Variants in MRPL48 observed in about 807,000 individuals in gnomAD.
MRPL48 encodes mitochondrial ribosomal protein L48.
A neutral mutation model predicts 32.9 loss-of-function variants in MRPL48; 16 were observed. That is an observed-to-expected ratio of 0.49 (90% CI 0.33 to 0.74). MRPL48 has a LOEUF of 0.74. Ranked by LOEUF, MRPL48 falls within the 30% of genes least tolerant of loss-of-function variation. The probability of loss-of-function intolerance (pLI) is 0.02; values close to 1 mark genes in which losing one functional copy is unlikely to be tolerated. For missense variants in MRPL48, 206 were observed against 245.3 expected (o/e 0.84, Z 1.07); for synonymous variants, 94 against 89.2 (o/e 1.05, Z -0.31).
At chr11:73,801,144 T>G (rs1947356800) in intron 1 of MRPL48, among the ~76,000 whole-genome samples, 1 of 152,172 alleles carries the variant, frequency 6.6e-6, no homozygotes, top group Admixed American at 6.6e-5. Flanking sequence ...GGCTTTTAGA[T>G]AATTAAAACC....
rs541805978 is a variant in MRPL48, at chr11:73,862,976, T to C, written c.475-196T>C. Reference sequence around the variant, plus strand: ...TGCCCACAGGAGCAGATATTGGCAGTGAACATCTCAGCACCTTGGCAGATG... The same window carrying C: ...TGCCCACAGGAGCAGATATTGGCAGCGAACATCTCAGCACCTTGGCAGATG... On this transcript the variant is annotated intron_variant, in intron 6 of 7. Transcript: ENST00000310614. 2.6e-5 allele frequency among the ~76,000 whole-genome samples: 4 copies of C among 152,322 alleles called. No individual in the cohort carries two copies. The East Asian group carries it at 7.7e-4, about 29-fold the overall frequency.
At chr11:73,792,075 T>A (rs1272787492) in intron 1 of MRPL48, among the ~76,000 whole-genome samples, 1 of 152,160 alleles carries the variant, frequency 6.6e-6, no homozygotes, top group East Asian at 1.9e-4. Context: ...AAATTTTAGA[T>A]GAGTGAGAAG....
At chr11:73,850,008 G>A (rs2135065498) in intron 5 of MRPL48, among the ~76,000 whole-genome samples, 1 of 152,256 alleles carries the variant, frequency 6.6e-6, no homozygotes, top group Non-Finnish European at 1.5e-5. Flanking sequence ...GCTGAGGCAG[G>A]AATATTGTTT....
chr11:73,844,644 G>A (rs1336017307), intron 4 of MRPL48, among the ~76,000 whole-genome samples, 163 bp from the exon 5 acceptor site: 1 of 152,204 alleles, frequency 6.6e-6, no homozygotes, highest in East Asian at 1.9e-4. Flanking sequence ...AAGGGAAGCT[G>A]CTCTTTCCTT....
intron 1 of MRPL48, among the ~76,000 whole-genome samples, chr11:73,797,272 A>G (rs1947273212): frequency 6.6e-6 from 1 of 152,096 alleles, no homozygotes; most frequent in Non-Finnish European, 1.5e-5. Flanking sequence ...TGTCTTGCTC[A>G]CCCTCCGCTT....
At chr11:73,830,252 T>C (rs1947969520) in intron 4 of MRPL48, among the ~76,000 whole-genome samples, 1 of 152,214 alleles carries the variant, frequency 6.6e-6, no homozygotes, top group Non-Finnish European at 1.5e-5. Context: ...ATCAGATTTA[T>C]CAAATATAAC....
chr11:73,834,483 T>C (rs2135030577), intron 4 of MRPL48, among the ~76,000 whole-genome samples: 1 of 152,034 alleles, frequency 6.6e-6, no homozygotes, highest in African/African-American at 2.4e-5. Context: ...TTCTTTTCTC[T>C]TTGTTTTTTG....
rs1948264097 is a variant in MRPL48, at chr11:73,844,986, A to G, written c.371+10A>G. On this transcript the variant is annotated intron_variant, in intron 5 of 7. Coordinates refer to ENST00000310614, the MANE Select transcript of MRPL48 (RefSeq NM_016055.6). ...TTAAAGTCGAGGAAAGGTATGAAGG[A>G]TGCTTTTGTATGGGATGTTCTTGGT... 3 of 1,596,944 alleles carry G rather than the reference A, an allele frequency of 1.9e-6. No individual in the cohort carries two copies. Among genetic ancestry groups the G allele is most frequent in the Non-Finnish European group, 2.6e-6 (3 of 1,168,974 alleles).
chr11:73,832,627 C>T (rs1948017040), intron 4 of MRPL48: 1 of 158,920 alleles, frequency 6.3e-6, no homozygotes. Context: ...CCAGCCAGAT[C>T]AGCTGAATCA....
intron 1 of MRPL48, chr11:73,789,416 G>A (rs1045354383): frequency 6.6e-6 from 1 of 152,180 alleles, no homozygotes; most frequent in Non-Finnish European, 1.5e-5. Context: ...AAGGCCTCTC[G>A]ACGTCTGATG....
intron 1 of MRPL48, among the ~76,000 whole-genome samples, chr11:73,793,041 G>T (rs1335475798): frequency 6.6e-6 from 1 of 152,168 alleles, no homozygotes; most frequent in Non-Finnish European, 1.5e-5. Context: ...GATGTAGCAG[G>T]TTCCTGTCTT....
intron 4 of MRPL48, among the ~76,000 whole-genome samples, chr11:73,829,360 CTT>C (rs921838163): frequency 6.8e-6 from 1 of 147,198 alleles, no homozygotes; most frequent in African/African-American, 2.5e-5. Context: ...TTCTTTCTTT[CTT>C]TTTTTTTTTC....
chr11:73,851,922 C>T (rs1225551565), intron 5 of MRPL48, among the ~76,000 whole-genome samples: 4 of 54,956 alleles, frequency 7.3e-5, no homozygotes, highest in Non-Finnish European at 1.0e-4. Context: ...GGAACGTACA[C>T]ACACACACAC....
At chr11:73,862,160 C>T (rs1330261983) in intron 6 of MRPL48, among the ~76,000 whole-genome samples, 8 of 152,088 alleles carry the variant, frequency 5.3e-5, no homozygotes, top group Admixed American at 2.0e-4. Flanking sequence ...CGGTGGCTGA[C>T]GCCTGTAATC....
intron 5 of MRPL48, among the ~76,000 whole-genome samples, chr11:73,855,732 T>G (rs1948472766): frequency 6.6e-6 from 1 of 152,162 alleles, no homozygotes; most frequent in Admixed American, 6.5e-5. Flanking sequence ...GTGATCCACC[T>G]GCCTCGGCCT....
rs185923127 is a variant in MRPL48 at position 73,794,522 on chromosome 11, T to C, written c.21+6530T>C. Among the ~76,000 whole-genome samples, 115 of 150,254 alleles carry C rather than the reference T, an allele frequency of 7.7e-4. No homozygotes were observed. In the East Asian group the frequency reaches 0.018, roughly 24 times the overall value. On this transcript the variant is annotated intron_variant, in intron 1 of 7. Transcript: ENST00000310614. ...GTGAGCCGAGATCGTGTTATTGCAC[T>C]CCAGCCTGGGCAACAAGAGTGAAAC... is the stretch of plus-strand genomic sequence containing the variant.
At chr11:73,799,553 T>G (rs1213031660) in intron 1 of MRPL48, among the ~76,000 whole-genome samples, 1 of 152,186 alleles carries the variant, frequency 6.6e-6, no homozygotes, top group Non-Finnish European at 1.5e-5. Context: ...TTTCTGAGCT[T>G]TGATTTCCTC....
intron 2 of MRPL48, 117 bp from the exon 3 acceptor site, chr11:73,808,193 AAAG>A (rs1277774146): frequency 5.0e-6 from 5 of 1,007,584 alleles, no homozygotes; most frequent in African/African-American, 3.3e-5. Flanking sequence ...GGAAGAAAGG[AAAG>A]AAGGAGTAAG....
At chr11:73,819,022 G>C (rs1271994279) in intron 3 of MRPL48, among the ~76,000 whole-genome samples, 1 of 152,178 alleles carries the variant, frequency 6.6e-6, no homozygotes, top group Non-Finnish European at 1.5e-5. Flanking sequence ...GTGACAGCAG[G>C]AAACCCACTT....
Sources: allele counts gnomAD v4.1 joint callset (sites outside exome capture counted in the v4.1 genomes callset), GRCh38; gene constraint gnomAD v4.1.1; transcripts MANE v1.5; gene names NCBI Gene and HGNC (gene_info 2026-07-23, HGNC 2026-07-21).